The following NKAIN2 variants were observed in gnomAD, a reference collection of about 807,000 sequenced individuals.
NKAIN2 encodes the protein sodium/potassium-transporting ATPase subunit beta-1-interacting protein 2.
Under a neutral mutation model 32.6 loss-of-function variants are expected in NKAIN2, and 14 were observed. The observed-to-expected ratio is 0.43, with a 90% CI of 0.28 to 0.67. NKAIN2 has a LOEUF of 0.67. NKAIN2 is among the 30% of genes least tolerant of loss of function. NKAIN2 has a pLI of 0.17. For synonymous variants in NKAIN2, 80 were observed against 87.2 expected (o/e 0.92, Z 0.46); for missense variants, 198 against 258.3 (o/e 0.77, Z 1.60).
At chr6:124,413,115 C>T (rs987311401) in intron 3 of NKAIN2, among the ~76,000 whole-genome samples, 1 of 152,124 alleles carries the variant, frequency 6.6e-6, no homozygotes, top group African/African-American at 2.4e-5. Flanking sequence ...TGACCCCTTG[C>T]ACTTCCCGGG....
intron 3 of NKAIN2, among the ~76,000 whole-genome samples, chr6:124,597,960 C>G (rs1782155541): frequency 6.6e-6 from 1 of 152,206 alleles, no homozygotes; most frequent in African/African-American, 2.4e-5. Context: ...TACTATCAAA[C>G]AGCTATCACT....
intron 1 of NKAIN2, among the ~76,000 whole-genome samples, chr6:124,049,794 G>A (rs1206733264): frequency 1.3e-5 from 2 of 151,950 alleles, no homozygotes; most frequent in Admixed American, 6.6e-5. Context: ...CAACTGTCAT[G>A]GCATTGGAGT....
chr6:124,695,865 C>A (rs1323947200), intron 4 of NKAIN2, among the ~76,000 whole-genome samples: 4 of 152,148 alleles, frequency 2.6e-5, no homozygotes, highest in Non-Finnish European at 5.9e-5. Context: ...GACTGGTTAA[C>A]AAGAGAAAGG....
At chr6:124,349,300 A>C (rs1300332061) in intron 2 of NKAIN2, among the ~76,000 whole-genome samples, 1 of 152,078 alleles carries the variant, frequency 6.6e-6, no homozygotes, top group Non-Finnish European at 1.5e-5. Flanking sequence ...GCTCCCCCCT[A>C]CAAAGGCGGG....
At chr6:124,418,942 A>G (rs1215104778) in intron 3 of NKAIN2, among the ~76,000 whole-genome samples, 2 of 152,104 alleles carry the variant, frequency 1.3e-5, no homozygotes. Flanking sequence ...TCTTTCTTAC[A>G]TGCTTTGCAA....
intron 1 of NKAIN2, among the ~76,000 whole-genome samples, chr6:123,875,681 A>T (rs1304738876): frequency 6.6e-6 from 1 of 152,020 alleles, no homozygotes; most frequent in Non-Finnish European, 1.5e-5. Context: ...TTGTAGTTTT[A>T]TCCCATATTT....
At chr6:124,398,145 C>T (rs916953534) in intron 3 of NKAIN2, among the ~76,000 whole-genome samples, 4 of 147,184 alleles carry the variant, frequency 2.7e-5, no homozygotes, top group South Asian at 2.2e-4. Context: ...CCCAGCTACT[C>T]GGGAGGCTGA....
At chr6:123,854,191 A>T (rs191723290) in intron 1 of NKAIN2, among the ~76,000 whole-genome samples, 1 of 152,248 alleles carries the variant, frequency 6.6e-6, no homozygotes, top group African/African-American at 2.4e-5. Flanking sequence ...TCAAAACAAA[A>T]TTTGAAATAT....
chr6:124,552,973 G>GT (rs567809288), intron 3 of NKAIN2, among the ~76,000 whole-genome samples: 42 of 152,194 alleles, frequency 2.8e-4, no homozygotes, highest in Admixed American at 8.5e-4. Context: ...CAAACAAAAG[G>GT]TTTTTTTAAT....
intron 1 of NKAIN2, among the ~76,000 whole-genome samples, chr6:124,158,058 A>G (rs1257086126): frequency 6.6e-6 from 1 of 152,210 alleles, no homozygotes; most frequent in Admixed American, 6.5e-5. Flanking sequence ...TGCTTATATT[A>G]GTTTGTTAGG....
intron 3 of NKAIN2, among the ~76,000 whole-genome samples, chr6:124,557,073 A>G (rs1780501839): frequency 6.6e-6 from 1 of 152,216 alleles, no homozygotes; most frequent in Admixed American, 6.5e-5. Flanking sequence ...TGTCACTATT[A>G]TTTTAGATGT....
At chr6:124,334,100 T>C (rs1010741510) in intron 2 of NKAIN2, among the ~76,000 whole-genome samples, 4 of 152,214 alleles carry the variant, frequency 2.6e-5, no homozygotes, top group Admixed American at 2.6e-4. Context: ...AATACAGATA[T>C]TTCATTAATT....
chr6:124,488,133 A>G (rs934134828), intron 3 of NKAIN2, among the ~76,000 whole-genome samples: 1 of 152,056 alleles, frequency 6.6e-6, no homozygotes, highest in Non-Finnish European at 1.5e-5. Flanking sequence ...TCTGTCAGGA[A>G]CTACTGTGTA....
At chr6:124,114,106 T>C (rs1562365797) in intron 1 of NKAIN2, among the ~76,000 whole-genome samples, 1 of 152,206 alleles carries the variant, frequency 6.6e-6, no homozygotes, top group Non-Finnish European at 1.5e-5. Context: ...TCAGTCTGAC[T>C]AGCAATATAT....
chr6:124,575,197 C>G (rs1024983230), intron 3 of NKAIN2, among the ~76,000 whole-genome samples: 5 of 152,140 alleles, frequency 3.3e-5, no homozygotes, highest in African/African-American at 1.2e-4. Flanking sequence ...TTTATCCTGT[C>G]CTGCAGGATT....
At chr6:123,893,237 G>T (rs1774104259) in intron 1 of NKAIN2, among the ~76,000 whole-genome samples, 1 of 152,166 alleles carries the variant, frequency 6.6e-6, no homozygotes, top group Non-Finnish European at 1.5e-5. Context: ...GTCTCACCCT[G>T]TCACCTAGGT....
At chr6:123,862,984 T>C (rs944311611) in intron 1 of NKAIN2, among the ~76,000 whole-genome samples, 1 of 152,206 alleles carries the variant, frequency 6.6e-6, no homozygotes, top group Admixed American at 6.5e-5. Context: ...ATTGTCTTAT[T>C]GAATAGCTGC....
intron 1 of NKAIN2, among the ~76,000 whole-genome samples, chr6:124,275,437 T>C (rs1296848639): frequency 6.6e-6 from 1 of 150,896 alleles, no homozygotes; most frequent in Admixed American, 6.6e-5. Flanking sequence ...ATGCCAAATC[T>C]TCTCCAATAT....
chr6:124,076,502 T>C (rs1452421214), intron 1 of NKAIN2, among the ~76,000 whole-genome samples: 3 of 152,142 alleles, frequency 2.0e-5, no homozygotes, highest in African/African-American at 7.2e-5. Context: ...AAACAAAAGA[T>C]AAGAGAAAGT....
Sources: allele counts gnomAD v4.1 joint callset (sites outside exome capture counted in the v4.1 genomes callset), GRCh38; gene constraint gnomAD v4.1.1; transcripts MANE v1.5; gene names NCBI Gene and HGNC (gene_info 2026-07-23, HGNC 2026-07-21).